The following PTPRO variants were observed in gnomAD, a reference collection of about 807,000 sequenced individuals.
The protein encoded by PTPRO is receptor-type tyrosine-protein phosphatase O.
A neutral mutation model predicts 145.2 loss-of-function variants in PTPRO; 62 were observed. That is an observed-to-expected ratio of 0.43 (90% CI 0.35 to 0.53). The LOEUF (loss-of-function observed/expected upper bound fraction) is 0.53. PTPRO is among the 20% of genes least tolerant of loss of function. The pLI, the probability that PTPRO is intolerant of heterozygous loss-of-function variation, is 0.01. For missense variants in PTPRO, 1,345 were observed against 1,482.7 expected (o/e 0.91, Z 1.53); for synonymous variants, 565 against 514.7 (o/e 1.10, Z -1.32).
chr12:15,557,974 G>A (rs894733843), intron 16 of PTPRO, among the ~76,000 whole-genome samples: 8 of 151,478 alleles, frequency 5.3e-5, no homozygotes, highest in Non-Finnish European at 8.8e-5. Context: ...TCCCTCTTTC[G>A]TCACCCGGGC....
chr12:15,450,649 A>C (rs764135709), intron 1 of PTPRO, among the ~76,000 whole-genome samples: 1 of 152,080 alleles, frequency 6.6e-6, no homozygotes, highest in East Asian at 1.9e-4. Context: ...CGTGTGTGCC[A>C]ATATTCCCAG....
At position 15,569,429 on chromosome 12, in the gene PTPRO, G is replaced by A; in HGVS notation, c.2760G>A (p.Leu920=). The change falls in exon 19 of 27, where the codon CTG becomes CTA. Residue 920 remains leucine, a synonymous_variant. Coordinates refer to ENST00000281171, the MANE Select transcript of PTPRO (RefSeq NM_030667.3). ...GTGTTTGGCAAAGCCCGGTTCAACT[G>A]GATGACTTTGATGCCTATATTAAGG... ...KKRKLTNPVQ[L]DDFDAYIKDM... 2 of 1,613,400 alleles carry A rather than the reference G, an allele frequency of 1.2e-6. No individual in the cohort carries two copies. Among genetic ancestry groups the A allele is most frequent in the Non-Finnish European group, 1.7e-6 (2 of 1,179,416 alleles).
intron 1 of PTPRO, among the ~76,000 whole-genome samples, chr12:15,376,776 G>C (rs566915026): frequency 6.6e-6 from 1 of 152,002 alleles, no homozygotes; most frequent in Non-Finnish European, 1.5e-5. Context: ...TTAAATAAAG[G>C]CATTAATACC....
Position 15,515,494 on chromosome 12 carries a change from A to C in PTPRO, c.1465-4A>C, listed in dbSNP as rs367658795. ...ATAAATCTTATTGGGTGTTTGGTTT[A>C]AAGGTGAACTCAAGCAAACCTATTA... On this transcript the variant is annotated splice_region_variant and splice_polypyrimidine_tract_variant and intron_variant, in intron 7 of 26. Coordinates refer to ENST00000281171, the MANE Select transcript of PTPRO (RefSeq NM_030667.3). 2.3e-5 allele frequency: 37 copies of C among 1,613,762 alleles called. No homozygotes were observed. The African/African-American group carries it at 4.1e-4, about 18-fold the overall frequency.
intron 1 of PTPRO, among the ~76,000 whole-genome samples, chr12:15,396,422 G>C (rs1316540143): frequency 6.6e-6 from 1 of 151,834 alleles, no homozygotes; most frequent in African/African-American, 2.4e-5. Context: ...AAATGCTATA[G>C]CCTTAAAAGT....
chr12:15,425,739 A>C (rs1234124975), intron 1 of PTPRO, among the ~76,000 whole-genome samples: 1 of 151,902 alleles, frequency 6.6e-6, no homozygotes, highest in African/African-American at 2.4e-5. Context: ...AGATTCATGC[A>C]TTTTTTGTAA....
At chr12:15,371,992 A>T (rs2136260331) in intron 1 of PTPRO, among the ~76,000 whole-genome samples, 1 of 152,244 alleles carries the variant, frequency 6.6e-6, no homozygotes, top group South Asian at 2.1e-4. Flanking sequence ...TTCCTATATA[A>T]ATTGCCCAGT....
At chr12:15,548,222 A>G (rs895524414) in intron 13 of PTPRO, among the ~76,000 whole-genome samples, 2 of 152,198 alleles carry the variant, frequency 1.3e-5, no homozygotes, top group Non-Finnish European at 1.5e-5. Context: ...ATGCAAAATA[A>G]AACTACAATA....
At chr12:15,475,854 T>G in intron 1 of PTPRO, among the ~76,000 whole-genome samples, 1 of 152,172 alleles carries the variant, frequency 6.6e-6, no homozygotes, top group Non-Finnish European at 1.5e-5. Flanking sequence ...TTGTATCGAC[T>G]AGATGAGAAT....
In PTPRO at chr12:15,429,782, G is replaced by T. The variant is rs111438219; in HGVS notation, c.76-54192G>T. ...GAAAACAACTGGATGAGTGTAAGAGGAGACTATGCTAGGAGTTCAGGCAAG... is the reference window on the plus strand; with the variant it reads ...GAAAACAACTGGATGAGTGTAAGAGTAGACTATGCTAGGAGTTCAGGCAAG... On this transcript the variant is annotated intron_variant, in intron 1 of 26. Coordinates refer to ENST00000281171, the MANE Select transcript of PTPRO (RefSeq NM_030667.3). Among the ~76,000 whole-genome samples, 1,099 of 152,246 alleles carry T rather than the reference G, an allele frequency of 7.2e-3. 6 individuals carry two copies. The highest frequency in any genetic ancestry group is 0.011 in the Non-Finnish European group (753 of 68,004).
At chr12:15,451,824 C>T (rs988128231) in intron 1 of PTPRO, among the ~76,000 whole-genome samples, 1 of 152,132 alleles carries the variant, frequency 6.6e-6, no homozygotes, top group African/African-American at 2.4e-5. Context: ...CCTATGAAAA[C>T]CTCTGGGGTA....
chr12:15,504,292 T>G (rs2136474633), intron 6 of PTPRO, among the ~76,000 whole-genome samples: 1 of 152,280 alleles, frequency 6.6e-6, no homozygotes, highest in Non-Finnish European at 1.5e-5. Context: ...GATTTTTTTT[T>G]TACTATTGTG....
At chr12:15,531,360 G>T (rs766742958) in intron 12 of PTPRO, among the ~76,000 whole-genome samples, 3 of 152,144 alleles carry the variant, frequency 2.0e-5, no homozygotes, top group Non-Finnish European at 4.4e-5. Context: ...CATTCTGTAA[G>T]ATAATATGCC....
intron 13 of PTPRO, among the ~76,000 whole-genome samples, chr12:15,547,225 T>A (rs1312116287): frequency 6.6e-6 from 1 of 152,172 alleles, no homozygotes; most frequent in Non-Finnish European, 1.5e-5. Flanking sequence ...AGGGGGACAG[T>A]CTTATTGCAA....
intron 18 of PTPRO, among the ~76,000 whole-genome samples, chr12:15,568,903 C>T (rs1369972691): frequency 6.6e-6 from 1 of 152,192 alleles, no homozygotes; most frequent in Non-Finnish European, 1.5e-5. Flanking sequence ...ATTCCTTATA[C>T]TTGTAAAGCT....
intron 16 of PTPRO, among the ~76,000 whole-genome samples, chr12:15,558,432 G>A (rs957982387): frequency 1.3e-5 from 2 of 152,144 alleles, no homozygotes; most frequent in Middle Eastern, 3.2e-3. Context: ...GGAAGTGTTC[G>A]AATTTTAAAG....
In PTPRO at chr12:15,520,294, A is replaced by G. The variant is rs758049611; in HGVS notation, c.1873A>G (p.Thr625Ala). Residue 625 changes from threonine to alanine, a missense_variant, in exon 10 of 27, where the codon ACC becomes GCC. Around this residue, in one of 3 missense-constraint regions of PTPRO, gnomAD observed 1,130 missense variants for 1,214.7 expected, o/e 0.93. Coordinates refer to ENST00000281171, the MANE Select transcript of PTPRO (RefSeq NM_030667.3). Reference sequence around the variant, plus strand: ...AGAATTGAGCTGCTGTGACAGCTCTACCATCAGCTTCATAACAGGTGAGGC... The same window carrying G: ...AGAATTGAGCTGCTGTGACAGCTCTGCCATCAGCTTCATAACAGGTGAGGC... ...DPELSCCDSS[T>A]ISFITAPVAP... The G allele has an allele frequency of 6.2e-7, 1 of 1,612,748 alleles. No homozygotes were observed. The highest frequency in any genetic ancestry group is 8.5e-7 in the Non-Finnish European group (1 of 1,178,914).
At chr12:15,430,434 G>A (rs531654657) in intron 1 of PTPRO, among the ~76,000 whole-genome samples, 1 of 152,098 alleles carries the variant, frequency 6.6e-6, no homozygotes, top group African/African-American at 2.4e-5. Flanking sequence ...AGTCAAGGAA[G>A]AGGAGGGCTG....
intron 1 of PTPRO, among the ~76,000 whole-genome samples, chr12:15,474,665 CA>C (rs1365989495): frequency 1.3e-5 from 2 of 152,228 alleles, no homozygotes; most frequent in East Asian, 1.9e-4. Context: ...TACTTCATCT[CA>C]AAAAAAGTTT....
Sources: allele counts gnomAD v4.1 joint callset (sites outside exome capture counted in the v4.1 genomes callset), GRCh38; gene constraint gnomAD v4.1.1; regional missense constraint gnomAD v4.1.1; transcripts MANE v1.5; gene names NCBI Gene and HGNC (gene_info 2026-07-23, HGNC 2026-07-21).